The following LINGO2 variants were observed in gnomAD, a reference collection of about 807,000 sequenced individuals.
LINGO2 encodes leucine rich repeat and Ig domain containing 2, also known as leucine-rich repeat and immunoglobulin-like domain-containing nogo receptor-interacting protein 2.
LINGO2 carries 14 observed loss-of-function variants against 30.6 expected under a neutral mutation model. That is an observed-to-expected ratio of 0.46 (90% CI 0.30 to 0.72). LINGO2 has a LOEUF of 0.72. Among genes scored for constraint, LINGO2 ranks in the 30% least tolerant of loss-of-function variants. LINGO2 has a pLI of 0.07. For synonymous variants in LINGO2, 317 were observed against 288.5 expected, an observed-to-expected ratio of 1.10 and a Z score of -1.00; for missense variants, 729 against 751.7, an observed-to-expected ratio of 0.97 and a Z score of 0.35.
At chr9:29,189,920 G>A in the LINGO2 span, among the ~76,000 whole-genome samples, 1 of 151,512 alleles carries the variant, frequency 6.6e-6, no homozygotes, top group African/African-American at 2.4e-5. Context: ...GCTGAGGCAG[G>A]AGAATCAGGC....
chr9:28,191,512 G>A (rs559810969), intron 4 of LINGO2, among the ~76,000 whole-genome samples: 1 of 152,030 alleles, frequency 6.6e-6, no homozygotes, highest in South Asian at 2.1e-4. Context: ...TTTATCTAGC[G>A]ATCCTTCTCT....
intron 2 of LINGO2, among the ~76,000 whole-genome samples, chr9:28,392,641 C>T (rs991827265): frequency 1.3e-5 from 2 of 152,272 alleles, no homozygotes; most frequent in Middle Eastern, 3.4e-3. Context: ...CCTACCCTTC[C>T]GGAGGTCAGT....
chr9:28,297,440 C>A lies in LINGO2; in HGVS notation c.-245-2074G>T, dbSNP rs532864745. Among the ~76,000 whole-genome samples, 10 of 152,164 alleles carry A rather than the reference C, an allele frequency of 6.6e-5. No individual in the cohort carries two copies. The South Asian group carries it at 2.1e-3, about 31-fold the overall frequency. Reference sequence around the variant, plus strand: ...GGCATGGGATTTGGTGCTACAGGTACAAAGCAAAAAGACATAAGTTCTCTT... The same window carrying A: ...GGCATGGGATTTGGTGCTACAGGTAAAAAGCAAAAAGACATAAGTTCTCTT... On this transcript the variant is annotated intron_variant, in intron 3 of 5. Transcript: ENST00000379992.
the LINGO2 span, among the ~76,000 whole-genome samples, chr9:28,719,090 T>G: frequency 2.6e-4 from 39 of 152,082 alleles, no homozygotes; most frequent in East Asian, 1.5e-3. Flanking sequence ...CCTTCCCACT[T>G]TTCAACTTAC....
intron 5 of LINGO2, among the ~76,000 whole-genome samples, chr9:27,972,745 A>G (rs1820415819): frequency 6.6e-6 from 1 of 152,174 alleles, no homozygotes; most frequent in African/African-American, 2.4e-5. Flanking sequence ...ATGCACTTCA[A>G]TTTTTCCACA....
chr9:28,274,793 C>T (rs1823058925), intron 4 of LINGO2, among the ~76,000 whole-genome samples: 1 of 152,176 alleles, frequency 6.6e-6, no homozygotes. Context: ...ACTTCAGGAA[C>T]AAGATATCCC....
chr9:29,076,616 A>C, the LINGO2 span, among the ~76,000 whole-genome samples: 1 of 132,886 alleles, frequency 7.5e-6, no homozygotes, highest in African/African-American at 2.8e-5. Context: ...TATATAATAG[A>C]TATAATAAAT....
At chr9:28,233,063 A>ATATATATATATATATATAT (rs1308692360) in intron 4 of LINGO2, among the ~76,000 whole-genome samples, 1 of 89,544 alleles carries the variant, frequency 1.1e-5, no homozygotes, top group African/African-American at 5.6e-5. Flanking sequence ...TATATATATT[A>ATATATATATATATATATAT]GATATATAAT....
intron 4 of LINGO2, among the ~76,000 whole-genome samples, chr9:28,213,973 T>C (rs964726926): frequency 6.6e-6 from 1 of 151,530 alleles, no homozygotes; most frequent in Non-Finnish European, 1.5e-5. Flanking sequence ...TAGACATACA[T>C]CTTAAATGTG....
chr9:28,973,209 C>T, the LINGO2 span, among the ~76,000 whole-genome samples: 1 of 151,922 alleles, frequency 6.6e-6, no homozygotes, highest in African/African-American at 2.4e-5. Context: ...ACATTTAAAC[C>T]AAAGAAGACT....
intron 1 of LINGO2, among the ~76,000 whole-genome samples, chr9:28,607,444 T>C (rs1825740477): frequency 6.6e-6 from 1 of 152,048 alleles, no homozygotes; most frequent in South Asian, 2.1e-4. Context: ...ATGCTAAAAA[T>C]AGAACTCACA....
intron 2 of LINGO2, among the ~76,000 whole-genome samples, chr9:28,398,659 A>G (rs1822146295): frequency 6.6e-6 from 1 of 152,082 alleles, no homozygotes; most frequent in African/African-American, 2.4e-5. Context: ...TACTAGATGA[A>G]TAGAAACTGT....
chr9:28,425,754 C>G (rs943125194), intron 2 of LINGO2, among the ~76,000 whole-genome samples: 1 of 152,074 alleles, frequency 6.6e-6, no homozygotes, highest in African/African-American at 2.4e-5. Context: ...TGTCTTCATA[C>G]TCATTGCACC....
At chr9:28,635,752 T>C (rs1218806795) in intron 1 of LINGO2, among the ~76,000 whole-genome samples, 1 of 152,150 alleles carries the variant, frequency 6.6e-6, no homozygotes, top group Non-Finnish European at 1.5e-5. Context: ...GACACCAACA[T>C]ATATTAGTTT....
the LINGO2 span, among the ~76,000 whole-genome samples, chr9:29,133,972 G>A: frequency 6.6e-6 from 1 of 152,084 alleles, no homozygotes; most frequent in Non-Finnish European, 1.5e-5. Flanking sequence ...TAAAGGGGAA[G>A]ATTTGTTGCC....
At chr9:28,688,575 C>CA in the LINGO2 span, among the ~76,000 whole-genome samples, 1 of 152,162 alleles carries the variant, frequency 6.6e-6, no homozygotes, top group Non-Finnish European at 1.5e-5. Context: ...AGGAAGAATG[C>CA]AGGTGTATCT....
At chr9:29,053,752 T>A in the LINGO2 span, among the ~76,000 whole-genome samples, 16 of 152,136 alleles carry the variant, frequency 1.1e-4, no homozygotes, top group African/African-American at 3.9e-4. Context: ...AGATTGTCAT[T>A]GTATTTCAAG....
intron 4 of LINGO2, among the ~76,000 whole-genome samples, chr9:28,109,161 T>C (rs13301541): frequency 0.16 from 24,209 of 152,174 alleles, 2,135 homozygotes; most frequent in African/African-American, 0.24. Flanking sequence ...ATCATCTCAA[T>C]AGATGCAGAA....
At chr9:28,861,535 A>G in the LINGO2 span, among the ~76,000 whole-genome samples, 1 of 150,476 alleles carries the variant, frequency 6.6e-6, no homozygotes, top group African/African-American at 2.4e-5. Flanking sequence ...TCTACTCATA[A>G]CTGCACTCAA....
Sources: allele counts gnomAD v4.1 joint callset (sites outside exome capture counted in the v4.1 genomes callset), GRCh38; gene constraint gnomAD v4.1.1; transcripts MANE v1.5; gene names NCBI Gene and HGNC (gene_info 2026-07-23, HGNC 2026-07-21).